Variants in MORN1 observed in about 807,000 individuals in gnomAD.
The protein encoded by MORN1 is MORN repeat-containing protein 1.
In MORN1, 67 loss-of-function variants were observed where a neutral mutation model predicts 61.9. The observed-to-expected ratio is 1.08, with a 90% confidence interval of 0.89 to 1.33. The LOEUF (loss-of-function observed/expected upper bound fraction) is 1.33, where lower values mean the gene tolerates loss of function less well. Among genes scored for constraint, MORN1 ranks in the 40% most tolerant of loss-of-function variants. The pLI is 0.00. For synonymous variants in MORN1, 301 were observed against 292.0 expected (o/e 1.03, Z -0.31); for missense variants, 752 against 691.2 (o/e 1.09, Z -0.99).
chr1:2,329,029 GAGGTGCCCACCGTGGACACCC>G (rs1233195924), intron 12 of MORN1, among the ~76,000 whole-genome samples: 3 of 152,356 alleles, frequency 2.0e-5, no homozygotes, highest in African/African-American at 7.2e-5. Context: ...AAGCCTTGGG[GAGGTGCCCACCGTGGACACCC>G]AGGTGCCCTG....
chr1:2,388,703 A>G (rs1642564421), intron 2 of MORN1, among the ~76,000 whole-genome samples: 3 of 143,814 alleles, frequency 2.1e-5, no homozygotes, highest in African/African-American at 7.8e-5. Context: ...CCCTTGAGTC[A>G]GGAGGTTGAG....
Position 2,321,512 on chromosome 1 carries a change from G to A in MORN1, c.1365C>T (p.Ala455=). Residue 455 remains alanine (A), a synonymous_variant, in exon 14 of 14, where the codon GCC becomes GCT. Coordinates refer to ENST00000378531, the MANE Select transcript of MORN1 (RefSeq NM_024848.3). ...PPFLGRRLPP[A]FKHLRVVAKR... is the part of the protein sequence containing the mutation. Reference sequence around the variant, plus strand: ...TCGCTACGACCCGCAGGTGTTTGAAGGCCGGGGGCAGCCTGCGCCCCAGGA... The same window carrying A: ...TCGCTACGACCCGCAGGTGTTTGAAAGCCGGGGGCAGCCTGCGCCCCAGGA... 6.5e-7 allele frequency: 1 copy of A among 1,534,196 alleles called. No individual in the cohort carries two copies. The highest frequency in any genetic ancestry group is 8.8e-7 in the Non-Finnish European group (1 of 1,139,524).
At chr1:2,383,673 G>C (rs1362363646) in intron 6 of MORN1, among the ~76,000 whole-genome samples, 1 of 152,194 alleles carries the variant, frequency 6.6e-6, no homozygotes, top group African/African-American at 2.4e-5. Flanking sequence ...TGCGTTTAGA[G>C]ACCTGCACGC....
At chr1:2,363,609 T>C (rs1005142734) in intron 8 of MORN1, 7 of 151,724 alleles carry the variant, frequency 4.6e-5, no homozygotes, top group Non-Finnish European at 1.0e-4. Flanking sequence ...AAAAAAATTT[T>C]TTTAAATTAA....
At chr1:2,353,698 G>A (rs886888258) in intron 10 of MORN1, among the ~76,000 whole-genome samples, 1 of 152,260 alleles carries the variant, frequency 6.6e-6, no homozygotes, top group African/African-American at 2.4e-5. Flanking sequence ...TCCCCTAGGG[G>A]CCTGAGGGCT....
At position 2,327,175 on chromosome 1, in the gene MORN1, AAC is replaced by A. The variant is rs1181142602; in HGVS notation, c.1251-3034_1251-3033del. Among the ~76,000 whole-genome samples the A allele has an allele frequency of 3.8e-5, 5 of 132,562 alleles. No homozygotes were observed. The East Asian group carries it at 1.1e-3, about 29-fold the overall frequency. The allele number at this position is 132,562 out of a possible 152,430, so 87.0% of individuals were successfully genotyped here. A position where few individuals can be genotyped will look rare whatever the true frequency, so the allele number is the denominator to read the frequency against. On this transcript the variant is annotated intron_variant, in intron 12 of 13. Coordinates refer to ENST00000378531, the MANE Select transcript of MORN1 (RefSeq NM_024848.3). ...AAACAGAAACACACAGACAGAAACA[AAC>A]ACAGAGACACAGAGACACAGAAACA...
intron 12 of MORN1, 50 bp from the exon 13 acceptor site, chr1:2,324,193 C>G (rs371034586): frequency 6.5e-7 from 1 of 1,542,366 alleles, no homozygotes; most frequent in Non-Finnish European, 8.8e-7. Context: ...TGGGCCCCGA[C>G]GACATGGCAT....
At chr1:2,336,994 CA>C (rs1641294743) in intron 10 of MORN1, 144 bp from the exon 11 acceptor site, 7 of 982,630 alleles carry the variant, frequency 7.1e-6, no homozygotes, top group African/African-American at 1.7e-5. Flanking sequence ...GGGGGCAGGT[CA>C]GGGGGCAGGG....
intron 13 of MORN1, chr1:2,322,690 CCA>C (rs1640909494): frequency 1.0e-6 from 1 of 985,466 alleles, no homozygotes; most frequent in Non-Finnish European, 1.2e-6. Context: ...CATGGCAACG[CCA>C]CAGTGTTTCC....
At chr1:2,345,165 C>T (rs907260294) in intron 10 of MORN1, among the ~76,000 whole-genome samples, 2 of 152,210 alleles carry the variant, frequency 1.3e-5, no homozygotes, top group Non-Finnish European at 2.9e-5. Flanking sequence ...CACGTGTGCT[C>T]ACCTGCGCTC....
intron 12 of MORN1, among the ~76,000 whole-genome samples, chr1:2,329,837 A>G (rs563400555): frequency 6.6e-6 from 1 of 152,370 alleles, no homozygotes; most frequent in Admixed American, 6.5e-5. Context: ...AGGAGGCACC[A>G]GCAAGAATGC....
At chr1:2,380,358 G>A (rs773395801) in intron 6 of MORN1, among the ~76,000 whole-genome samples, 1 of 152,296 alleles carries the variant, frequency 6.6e-6, no homozygotes, top group East Asian at 1.9e-4. Flanking sequence ...AAGTGGTCAC[G>A]GCCCAGCGCA....
At chr1:2,344,624 G>C (rs550656772) in intron 10 of MORN1, among the ~76,000 whole-genome samples, 1 of 152,210 alleles carries the variant, frequency 6.6e-6, no homozygotes, top group South Asian at 2.1e-4. Context: ...CAGGGCAAGC[G>C]TGAGGACCCT....
Position 2,372,612 on chromosome 1 carries a change from G to C in MORN1, c.635-21C>G, listed in dbSNP as rs1225637956. 3 of 1,594,208 alleles carry C rather than the reference G, an allele frequency of 1.9e-6. No individual in the cohort carries two copies. Among genetic ancestry groups the C allele is most frequent in the Non-Finnish European group, 2.6e-6 (3 of 1,165,888 alleles). On this transcript the variant is annotated intron_variant, in intron 7 of 13. Transcript: ENST00000378531. This position sits in a 1 kb window ranked among gnomAD's most constrained non-coding sequence, Gnocchi z 5.4. ...TTGTTCTGGGAGAGGACAGAGTGTG[G>C]CTTTAGCGGTGACTGGCATGGTCCC...
chr1:2,339,942 T>C (rs1641358242), intron 10 of MORN1, among the ~76,000 whole-genome samples: 1 of 152,256 alleles, frequency 6.6e-6, no homozygotes, highest in Non-Finnish European at 1.5e-5. Context: ...CCGCTCCTGC[T>C]CAGGGCACCC....
chr1:2,341,929 G>T (rs1641403721), intron 10 of MORN1, among the ~76,000 whole-genome samples: 1 of 152,198 alleles, frequency 6.6e-6, no homozygotes, highest in Non-Finnish European at 1.5e-5. Context: ...CAAACTCTGG[G>T]CTCCACGGGC....
At chr1:2,333,781 G>A (rs1287710406) in intron 12 of MORN1, among the ~76,000 whole-genome samples, 3 of 152,212 alleles carry the variant, frequency 2.0e-5, no homozygotes, top group Non-Finnish European at 4.4e-5. Flanking sequence ...TGCCTGGCAC[G>A]GGCTGAGGAC....
chr1:2,378,974 G>A lies in MORN1; in HGVS notation c.538-4417C>T, dbSNP rs1184464350. 3 of 468,588 alleles carry A rather than the reference G, an allele frequency of 6.4e-6. No individual in the cohort carries two copies. The East Asian group carries it at 2.1e-4, about 33-fold the overall frequency. 29.0% of individuals were successfully genotyped at this position (468,588 alleles called of 1,614,324 possible). On this transcript the variant is annotated intron_variant, in intron 6 of 13. Coordinates refer to ENST00000378531, the MANE Select transcript of MORN1 (RefSeq NM_024848.3). Reference sequence around the variant, plus strand: ...GATCCGCTGTTCTTATTTTCCGTCAGAAGAAGCTGTAACACGTTTATTTTC... The same window carrying A: ...GATCCGCTGTTCTTATTTTCCGTCAAAAGAAGCTGTAACACGTTTATTTTC...
intron 5 of MORN1, 33 bp from the exon 6 acceptor site, chr1:2,385,098 CA>C (rs918287220): frequency 5.8e-6 from 9 of 1,558,692 alleles, no homozygotes; most frequent in Non-Finnish European, 7.8e-6. Context: ...CCACTCTCAA[CA>C]GGGGGAGCCG....
Sources: allele counts gnomAD v4.1 joint callset (sites outside exome capture counted in the v4.1 genomes callset), GRCh38; gene constraint gnomAD v4.1.1; non-coding constraint Gnocchi (gnomAD v3.1); transcripts MANE v1.5; gene names NCBI Gene and HGNC (gene_info 2026-07-23, HGNC 2026-07-21).